Variants in MAP4K4 observed in about 807,000 individuals in gnomAD.
The protein encoded by MAP4K4 is HPK/GCK-like kinase HGK.
A neutral mutation model predicts 189.6 loss-of-function variants in MAP4K4; 38 were observed. The observed-to-expected ratio is 0.20, with a 90% CI of 0.15 to 0.26. The LOEUF is 0.26. MAP4K4 is among the 10% of genes least tolerant of loss of function. The probability of loss-of-function intolerance (pLI) is 1.00; values close to 1 mark genes in which losing one functional copy is unlikely to be tolerated. For synonymous variants in MAP4K4, 610 were observed against 624.3 expected (o/e 0.98, Z 0.34); for missense variants, 1,054 against 1,726.9 (o/e 0.61, Z 6.91).
chr2:101,756,671 C>T (rs182845777), intron 2 of MAP4K4, among the ~76,000 whole-genome samples: 191 of 151,988 alleles, frequency 1.3e-3, no homozygotes, highest in Middle Eastern at 0.01. Context: ...CCTCCCACCT[C>T]AGCTTCCTGA....
At chr2:101,785,666 C>CTTTTCTTTTCTTTTCTTTTCT (rs1558912598) in intron 2 of MAP4K4, among the ~76,000 whole-genome samples, 5 of 46,438 alleles carry the variant, frequency 1.1e-4, no homozygotes, top group African/African-American at 8.4e-4. Context: ...CTTCTTCTTT[C>CTTTTCTTTTCTTTTCTTTTCT]TTTCTTTCTC....
intron 3 of MAP4K4, among the ~76,000 whole-genome samples, chr2:101,815,177 G>A (rs1031077467): frequency 3.9e-5 from 6 of 152,082 alleles, no homozygotes; most frequent in African/African-American, 9.7e-5. Context: ...ACAGTTTTTC[G>A]TATGCGTGAC....
intron 3 of MAP4K4, among the ~76,000 whole-genome samples, chr2:101,801,361 G>T (rs990504285): frequency 1.3e-5 from 2 of 152,166 alleles, no homozygotes; most frequent in Admixed American, 1.3e-4. Flanking sequence ...AGTCTGAAGG[G>T]ATTCAGGCAC....
At chr2:101,726,259 G>C (rs948487567) in intron 2 of MAP4K4, among the ~76,000 whole-genome samples, 2 of 152,226 alleles carry the variant, frequency 1.3e-5, no homozygotes, top group African/African-American at 4.8e-5. Flanking sequence ...CTTATTTCTA[G>C]TGATTCAAGG....
At chr2:101,872,902 C>T (rs1198728603) in intron 24 of MAP4K4, among the ~76,000 whole-genome samples, 4 of 152,324 alleles carry the variant, frequency 2.6e-5, no homozygotes, top group African/African-American at 9.6e-5. Context: ...CTCTAATGTG[C>T]AGTATTTTAC....
At chr2:101,779,361 A>C (rs955375759) in intron 2 of MAP4K4, among the ~76,000 whole-genome samples, 1 of 152,116 alleles carries the variant, frequency 6.6e-6, no homozygotes, top group South Asian at 2.1e-4. Context: ...GACTTTATCA[A>C]CTCCACTAGA....
intron 4 of MAP4K4, 120 bp downstream of exon 4, chr2:101,824,173 T>G: frequency 4.9e-6 from 5 of 1,025,872 alleles, no homozygotes; most frequent in Non-Finnish European, 5.4e-6. Context: ...GGGCAGTAAG[T>G]AGCTGGCAGG....
intron 16 of MAP4K4, among the ~76,000 whole-genome samples, chr2:101,863,553 C>G (rs2097730932): frequency 6.6e-6 from 1 of 152,146 alleles, no homozygotes. Context: ...AAATAAAAAT[C>G]TTCACATTAA....
chr2:101,768,736 C>T (rs2079868533), intron 2 of MAP4K4, among the ~76,000 whole-genome samples: 1 of 152,208 alleles, frequency 6.6e-6, no homozygotes, highest in Admixed American at 6.5e-5. Context: ...GTTGGTACTT[C>T]TCCAACAGTC....
intron 2 of MAP4K4, 41 bp downstream of exon 2, chr2:101,698,579 A>G (rs768230061): frequency 1.3e-6 from 2 of 1,586,184 alleles, no homozygotes; most frequent in Non-Finnish European, 1.7e-6. Context: ...GGCATGTGGA[A>G]ACTTCTTATT....
intron 16 of MAP4K4, 88 bp from the exon 17 acceptor site, chr2:101,863,733 C>A: frequency 1.2e-6 from 1 of 830,886 alleles, no homozygotes; most frequent in Non-Finnish European, 1.8e-6. Flanking sequence ...TCCGCCTCTG[C>A]CAGTTCCTGC....
intron 3 of MAP4K4, among the ~76,000 whole-genome samples, chr2:101,800,462 G>A (rs1158900049): frequency 6.6e-6 from 1 of 152,114 alleles, no homozygotes; most frequent in Non-Finnish European, 1.5e-5. Context: ...TATATATAGT[G>A]TCCCTTTTAA....
At chr2:101,722,344 C>T (rs762185165) in intron 2 of MAP4K4, among the ~76,000 whole-genome samples, 10 of 152,158 alleles carry the variant, frequency 6.6e-5, no homozygotes, top group Non-Finnish European at 1.0e-4. Flanking sequence ...CCAATTTTGG[C>T]CCTGCAACTC....
At chr2:101,889,099 T>C (rs1331143681) in intron 32 of MAP4K4, among the ~76,000 whole-genome samples, 164 bp downstream of exon 32, 1 of 152,226 alleles carries the variant, frequency 6.6e-6, no homozygotes, top group Non-Finnish European at 1.5e-5. Context: ...GGGAATGTTT[T>C]GCTTTTTGCT....
intron 26 of MAP4K4, among the ~76,000 whole-genome samples, chr2:101,875,994 C>G (rs962227403): frequency 1.3e-5 from 2 of 152,170 alleles, no homozygotes; most frequent in Non-Finnish European, 2.9e-5. Context: ...TAATTAAGGT[C>G]TCTATCCGTC....
At chr2:101,838,183 G>A (rs933955196) in intron 9 of MAP4K4, among the ~76,000 whole-genome samples, 1 of 152,182 alleles carries the variant, frequency 6.6e-6, no homozygotes, top group Non-Finnish European at 1.5e-5. Context: ...ACAATGCTTA[G>A]GAATCCTTTT....
chr2:101,891,313 C>T (rs774615020), exon 33 of MAP4K4: 36 of 1,436,610 alleles, frequency 2.5e-5, no homozygotes, highest in Non-Finnish European at 3.4e-5. Flanking sequence ...CTTGGAATTC[C>T]TTGTAACTGG....
chr2:101,751,323 T>G (rs2068822256), intron 2 of MAP4K4, among the ~76,000 whole-genome samples: 1 of 152,158 alleles, frequency 6.6e-6, no homozygotes, highest in South Asian at 2.1e-4. Flanking sequence ...ATCTTTCTCC[T>G]CCCCTTTTAC....
At chr2:101,781,491 G>C (rs57917163) in intron 2 of MAP4K4, among the ~76,000 whole-genome samples, 9,617 of 152,178 alleles carry the variant, frequency 0.063, 810 homozygotes, top group African/African-American at 0.19. Flanking sequence ...TCTGATGTCT[G>C]GTGAAGGCCT....
Sources: allele counts gnomAD v4.1 joint callset (sites outside exome capture counted in the v4.1 genomes callset), GRCh38; gene constraint gnomAD v4.1.1; transcripts MANE v1.5; gene names NCBI Gene and HGNC (gene_info 2026-07-23, HGNC 2026-07-21).